Variants in SLC26A3 observed in about 807,000 individuals in gnomAD.
SLC26A3 encodes chloride anion exchanger.
A neutral mutation model predicts 85.6 loss-of-function variants in SLC26A3; 64 were observed. The ratio of observed to expected loss-of-function variants is 0.75; its 90% CI spans 0.61 to 0.92. SLC26A3 has a LOEUF of 0.92. SLC26A3 is among the 40% of genes least tolerant of loss of function. The pLI is 0.00. For synonymous variants in SLC26A3, 349 were observed against 336.0 expected (o/e 1.04, Z -0.42); for missense variants, 922 against 927.3 (o/e 0.99, Z 0.07).
In SLC26A3 at chr7:107,765,893, A is replaced by T. The variant is rs1398481886; in HGVS notation, c.2272-15T>A. ...TCAACTGGCACCTGGAAGAAGACAG[A>T]AAGTTCTTGTTTTAAAATACTCGTC... On this transcript the variant is annotated splice_polypyrimidine_tract_variant and intron_variant, in intron 20 of 20. Transcript: ENST00000340010. The T allele has an allele frequency of 1.9e-6, 3 of 1,607,764 alleles. No homozygotes were observed. The highest frequency in any genetic ancestry group is 1.7e-6 in the Non-Finnish European group (2 of 1,174,708).
Position 107,776,713 on chromosome 7 carries a change from G to T in SLC26A3, c.1515-7C>A. ...CAGCGTGCTGCATTTTGGACTGTAG[G>T]GAGAAAAACACCAAGTAAATCATTC... On this transcript the variant is annotated splice_region_variant and splice_polypyrimidine_tract_variant and intron_variant, in intron 13 of 20. Transcript: ENST00000340010. 6.2e-7 allele frequency: 1 copy of T among 1,612,352 alleles called. No individual in the cohort carries two copies. Among genetic ancestry groups the T allele is most frequent in the Non-Finnish European group, 8.5e-7 (1 of 1,179,212 alleles).
chr7:107,789,434 C>G (rs891353896), intron 6 of SLC26A3, 90 bp downstream of exon 6: 46 of 1,318,316 alleles, frequency 3.5e-5, no homozygotes, highest in Non-Finnish European at 4.7e-5. Context: ...TAGGTAAACC[C>G]CATGGCAAAG....
intron 1 of SLC26A3, among the ~76,000 whole-genome samples, chr7:107,797,983 T>C (rs1239394630): frequency 6.6e-6 from 1 of 152,176 alleles, no homozygotes; most frequent in Non-Finnish European, 1.5e-5. Flanking sequence ...TCTTCATGGA[T>C]CTCTGAGTTC....
chr7:107,781,560 C>T (rs868538713), intron 11 of SLC26A3, among the ~76,000 whole-genome samples: 2 of 151,976 alleles, frequency 1.3e-5, no homozygotes, highest in South Asian at 2.1e-4. Flanking sequence ...AGTGTGTGTG[C>T]GTTTATTTTT....
rs369916664 is a variant in SLC26A3 at position 107,765,875 on chromosome 7, G to A, written c.2275C>T (p.Pro759Ser). The change falls in exon 21 of 21, where the codon CCA becomes TCA. Residue 759 changes from proline (P) to serine (S), a missense_variant. By Grantham distance (74) the Pro-to-Ser change is moderately conservative (BLOSUM62 -1). Coordinates refer to ENST00000340010, the MANE Select transcript of SLC26A3 (RefSeq NM_000111.3). ...GGLRNRVYEV[P>S]VETKF ...GTTGATTAGAATTTTGTTTCAACTG[G>A]CACCTGGAAGAAGACAGAAAGTTCT... 9.3e-6 allele frequency: 15 copies of A among 1,610,460 alleles called. No individual in the cohort carries two copies. The highest frequency in any genetic ancestry group is 1.3e-5 in the Non-Finnish European group (15 of 1,177,246).
In SLC26A3 at chr7:107,782,938, A is replaced by G. The variant is rs774563960; in HGVS notation, c.1233+42T>C. ...TTCCCCTGGCTTGAATTTCCTAGTT[A>G]CTAACGCTAGGACAGTGCTTGCAGC... On this transcript the variant is annotated intron_variant, in intron 10 of 20. Transcript: ENST00000340010. 1.5e-5 allele frequency: 24 copies of G among 1,609,628 alleles called. No individual in the cohort carries two copies. The South Asian group carries it at 2.1e-4, about 14-fold the overall frequency.
Position 107,784,830 on chromosome 7 carries a change from T to C in SLC26A3, c.972-1478A>G, listed in dbSNP as rs146218879. 8.4e-4 allele frequency among the ~76,000 whole-genome samples: 128 copies of C among 152,358 alleles called. 1 individual carries two copies. The highest frequency in any genetic ancestry group is 2.8e-3 in the African/African-American group (115 of 41,586). On this transcript the variant is annotated intron_variant, in intron 8 of 20. Coordinates refer to ENST00000340010, the MANE Select transcript of SLC26A3 (RefSeq NM_000111.3). ...ACAAAGTGCCTGTTAGCTATTATTA[T>C]AGGATCCCTCTGGAATCTGAATATA...
rs772354368 is a variant in SLC26A3, at chr7:107,767,571, A to G, written c.2271+8T>C. 1 of 1,599,074 alleles carries G rather than the reference A, an allele frequency of 6.3e-7. No homozygotes were observed. Among genetic ancestry groups the G allele is most frequent in the Non-Finnish European group, 8.6e-7 (1 of 1,167,210 alleles). On this transcript the variant is annotated splice_region_variant and intron_variant, in intron 20 of 20. Coordinates refer to ENST00000340010, the MANE Select transcript of SLC26A3 (RefSeq NM_000111.3). Reference sequence around the variant, plus strand: ...CTAGGTGAAGATAAACCTGTTGAAGAATCTTACCTCATATACCCGATTACG... The same window carrying G: ...CTAGGTGAAGATAAACCTGTTGAAGGATCTTACCTCATATACCCGATTACG...
At chr7:107,801,524 G>A (rs1201682231) in intron 1 of SLC26A3, among the ~76,000 whole-genome samples, 1 of 152,158 alleles carries the variant, frequency 6.6e-6, no homozygotes, top group East Asian at 1.9e-4. Flanking sequence ...TCTCTTTGGA[G>A]AATCAAAGAC....
chr7:107,802,457 C>T (rs1017466907), intron 1 of SLC26A3, among the ~76,000 whole-genome samples: 1 of 152,042 alleles, frequency 6.6e-6, no homozygotes, highest in Non-Finnish European at 1.5e-5. Context: ...TTCTTCTCTC[C>T]GTGTTTCCCT....
intron 17 of SLC26A3, among the ~76,000 whole-genome samples, chr7:107,773,694 G>A (rs1794062027): frequency 6.6e-6 from 1 of 152,072 alleles, no homozygotes; most frequent in Non-Finnish European, 1.5e-5. Context: ...GGGATTACAG[G>A]TGCACGCCAC....
intron 18 of SLC26A3, among the ~76,000 whole-genome samples, chr7:107,768,886 G>A (rs1793959007): frequency 6.6e-6 from 1 of 152,172 alleles, no homozygotes; most frequent in Admixed American, 6.5e-5. Flanking sequence ...GACAGAGGGA[G>A]AGGGAGCGTG....
chr7:107,769,357 TGTG>T (rs1793966490), intron 18 of SLC26A3, among the ~76,000 whole-genome samples: 2 of 151,794 alleles, frequency 1.3e-5, no homozygotes, highest in Admixed American at 6.6e-5. Flanking sequence ...ATAAAGAAAA[TGTG>T]GTACATATAC....
intron 17 of SLC26A3, among the ~76,000 whole-genome samples, chr7:107,773,555 T>A (rs530721879): frequency 1.3e-5 from 2 of 152,152 alleles, no homozygotes; most frequent in Non-Finnish European, 2.9e-5. Flanking sequence ...ACAAATACAG[T>A]TTTTTTTGTT....
chr7:107,796,240 C>T (rs947922155), intron 1 of SLC26A3, among the ~76,000 whole-genome samples: 6 of 151,962 alleles, frequency 3.9e-5, no homozygotes, highest in African/African-American at 1.2e-4. Flanking sequence ...GTAGCTGGGA[C>T]TACAGGTGTG....
intron 1 of SLC26A3, among the ~76,000 whole-genome samples, chr7:107,801,645 T>C (rs573828901): frequency 1.3e-5 from 2 of 152,182 alleles, no homozygotes; most frequent in Non-Finnish European, 2.9e-5. Context: ...ATATGAGCTG[T>C]TTAGGAGGTA....
intron 8 of SLC26A3, among the ~76,000 whole-genome samples, chr7:107,784,959 C>A (rs1794269114): frequency 6.6e-6 from 1 of 152,078 alleles, no homozygotes; most frequent in Non-Finnish European, 1.5e-5. Flanking sequence ...GTGGCATAGT[C>A]ATGAACAGTA....
chr7:107,765,786 A>G lies in SLC26A3; in HGVS notation c.*69T>C. On this transcript the variant is annotated 3_prime_UTR_variant, in exon 21 of 21. Transcript: ENST00000340010. ...CTTCGTACAATGTATGAACTTATCAATAACTTTCTGGGTATAAAGTTGTTT... is the reference window on the plus strand; with the variant it reads ...CTTCGTACAATGTATGAACTTATCAGTAACTTTCTGGGTATAAAGTTGTTT... 8.6e-7 allele frequency: 1 copy of G among 1,157,162 alleles called. No homozygotes were observed. The highest frequency in any genetic ancestry group is 2.3e-5 in the East Asian group (1 of 42,740). 71.7% of individuals were successfully genotyped at this position (1,157,162 alleles called of 1,614,324 possible). A position where few individuals can be genotyped will look rare whatever the true frequency, so the allele number is the denominator to read the frequency against.
chr7:107,766,882 T>C (rs1793926003), intron 20 of SLC26A3, among the ~76,000 whole-genome samples: 1 of 151,702 alleles, frequency 6.6e-6, no homozygotes, highest in Non-Finnish European at 1.5e-5. Context: ...CTGTTTCCTT[T>C]TTTTTTTTTC....
Sources: gnomAD v4.1 joint callset for allele counts (sites outside exome capture counted in the v4.1 genomes callset) on GRCh38, gnomAD v4.1.1 for gene constraint, MANE v1.5 for transcripts, NCBI Gene and HGNC (gene_info 2026-07-23, HGNC 2026-07-21) for gene names.